Variants in CPHXL observed in about 807,000 individuals in gnomAD.
CPHXL encodes the protein cytoplasmic polyadenylated homeobox like.
At chr16:75,718,042 G>C (rs932366395) in intron 2 of CPHXL, among the ~76,000 whole-genome samples, 4 of 139,220 alleles carry the variant, frequency 2.9e-5, no homozygotes, top group Admixed American at 2.3e-4. Context: ...GGGCAACATG[G>C]TGAGACCCCA....
chr16:75,723,971 A>T (rs921953759), intron 1 of CPHXL, among the ~76,000 whole-genome samples: 1 of 152,264 alleles, frequency 6.6e-6, no homozygotes, highest in Non-Finnish European at 1.5e-5. Flanking sequence ...ATAATGCCAC[A>T]TATCTACAAC....
At chr16:75,715,853 C>A (rs184523168) in intron 2 of CPHXL, among the ~76,000 whole-genome samples, 1 of 151,048 alleles carries the variant, frequency 6.6e-6, no homozygotes, top group Admixed American at 6.6e-5. Context: ...CACCACCATG[C>A]CCGGCTAATT....
intron 2 of CPHXL, among the ~76,000 whole-genome samples, chr16:75,717,812 G>T (rs530614414): frequency 2.6e-5 from 4 of 152,312 alleles, no homozygotes; most frequent in African/African-American, 9.6e-5. Flanking sequence ...AGTGGAGATG[G>T]AGGATTAACT....
chr16:75,725,588 GACTAC>G (rs550293635), intron 1 of CPHXL, among the ~76,000 whole-genome samples: 132 of 151,906 alleles, frequency 8.7e-4, no homozygotes, highest in Middle Eastern at 6.8e-3. Flanking sequence ...AAGTAGCTGG[GACTAC>G]AGGCGCCCGC....
At chr16:75,722,069 C>T (rs7185912) in intron 1 of CPHXL, among the ~76,000 whole-genome samples, 50,485 of 151,806 alleles carry the variant, frequency 0.33, 8,600 homozygotes, top group African/African-American at 0.38. Context: ...GAACAAAGAC[C>T]CAACATACCA....
At chr16:75,721,558 C>G (rs1047041159) in intron 1 of CPHXL, among the ~76,000 whole-genome samples, 1 of 152,144 alleles carries the variant, frequency 6.6e-6, no homozygotes, top group Non-Finnish European at 1.5e-5. Context: ...GCTAACTATC[C>G]TAAATATATA....
At chr16:75,719,245 G>C (rs1959439074) in intron 1 of CPHXL, among the ~76,000 whole-genome samples, 1 of 152,306 alleles carries the variant, frequency 6.6e-6, no homozygotes, top group Admixed American at 6.5e-5. Context: ...GGGGAGTGTT[G>C]GGAAGTGGGT....
intron 1 of CPHXL, among the ~76,000 whole-genome samples, chr16:75,724,422 T>G (rs1959524491): frequency 6.6e-6 from 1 of 151,920 alleles, no homozygotes; most frequent in African/African-American, 2.4e-5. Flanking sequence ...TCAAACAAAT[T>G]TACAAGAAAA....
chr16:75,714,476 C>G lies in CPHXL; in HGVS notation c.966G>C (p.Gln322His), dbSNP rs955343258. ...QYHLQQHQQPQNYLEGMMLQE... is the reference protein window; with the variant it reads ...QYHLQQHQQPHNYLEGMMLQE... ...GCAACATCATCCCCTCTAAGTAATT[C>G]TGAGGCTGTTGGTGCTGCTGCAGGT... is the stretch of plus-strand genomic sequence containing the variant. Residue 322 changes from glutamine (Q) to histidine (H), a missense_variant, in exon 3 of 3, where the codon CAG becomes CAC. Coordinates refer to ENST00000640559, the MANE Select transcript of CPHXL (RefSeq NM_001355613.1). 5.0e-6 allele frequency: 2 copies of G among 398,530 alleles called. No homozygotes were observed. The highest frequency in any genetic ancestry group is 4.1e-5 in the African/African-American group (2 of 48,638). 24.7% of individuals were successfully genotyped at this position (398,530 alleles called of 1,614,324 possible). A position where few individuals can be genotyped will look rare whatever the true frequency, so the allele number is the denominator to read the frequency against.
intron 2 of CPHXL, among the ~76,000 whole-genome samples, chr16:75,717,676 C>T (rs1464247581): frequency 1.3e-5 from 2 of 152,200 alleles, no homozygotes. Flanking sequence ...CATTCTGTCA[C>T]ACAGGCTGGA....
chr16:75,715,596 C>T (rs1959379127), intron 2 of CPHXL, among the ~76,000 whole-genome samples: 1 of 151,948 alleles, frequency 6.6e-6, no homozygotes, highest in Non-Finnish European at 1.5e-5. Flanking sequence ...GCTGTCCCAC[C>T]TAGTCATGCA....
chr16:75,720,760 A>G (rs1959465948), intron 1 of CPHXL, among the ~76,000 whole-genome samples: 1 of 152,118 alleles, frequency 6.6e-6, no homozygotes, highest in Admixed American at 6.5e-5. Context: ...GAACACCACA[A>G]AGATACTCCT....
intron 1 of CPHXL, among the ~76,000 whole-genome samples, chr16:75,723,615 T>G (rs906045311): frequency 1.3e-5 from 2 of 152,142 alleles, no homozygotes; most frequent in African/African-American, 4.8e-5. Context: ...TACAAACAAA[T>G]GGAAGAACAT....
At chr16:75,717,687 A>G (rs1421550226) in intron 2 of CPHXL, among the ~76,000 whole-genome samples, 2 of 152,124 alleles carry the variant, frequency 1.3e-5, no homozygotes, top group Non-Finnish European at 2.9e-5. Context: ...ACAGGCTGGA[A>G]TGCAGTGGTA....
intron 1 of CPHXL, among the ~76,000 whole-genome samples, chr16:75,721,191 G>T (rs9746035): frequency 6.6e-6 from 1 of 151,920 alleles, no homozygotes; most frequent in Non-Finnish European, 1.5e-5. Flanking sequence ...GAAACTGCAT[G>T]AACTAAGGGG....
At chr16:75,715,652 A>T (rs16942870) in intron 2 of CPHXL, among the ~76,000 whole-genome samples, 9,584 of 152,094 alleles carry the variant, frequency 0.063, 451 homozygotes, top group African/African-American at 0.12. Flanking sequence ...CCCGCCAAGG[A>T]GAATTAGTGG....
At chr16:75,720,645 A>C (rs189411880) in intron 1 of CPHXL, among the ~76,000 whole-genome samples, 1 of 152,374 alleles carries the variant, frequency 6.6e-6, no homozygotes, top group East Asian at 1.9e-4. Flanking sequence ...CCTGAAAGTC[A>C]CAGAGAGAAT....
intron 2 of CPHXL, among the ~76,000 whole-genome samples, chr16:75,716,676 C>G (rs1959397496): frequency 6.6e-6 from 1 of 152,088 alleles, no homozygotes; most frequent in Non-Finnish European, 1.5e-5. Flanking sequence ...ATTGATTAAG[C>G]CATTGGCTAT....
intron 1 of CPHXL, among the ~76,000 whole-genome samples, chr16:75,719,717 G>A (rs1221915756): frequency 1.3e-5 from 2 of 152,316 alleles, no homozygotes; most frequent in East Asian, 3.9e-4. Flanking sequence ...ATCATCTTCA[G>A]ACTTAAATGT....
Sources: allele counts gnomAD v4.1 joint callset (sites outside exome capture counted in the v4.1 genomes callset), GRCh38; gene constraint gnomAD v4.1.1; transcripts MANE v1.5; gene names NCBI Gene and HGNC (gene_info 2026-07-23, HGNC 2026-07-21).